Variants in RIMS1 observed in about 807,000 individuals in gnomAD.
RIMS1 encodes the protein regulating synaptic membrane exocytosis 1.
Under a neutral mutation model 214.1 loss-of-function variants are expected in RIMS1, and 83 were observed. The ratio of observed to expected loss-of-function variants is 0.39; its 90% CI spans 0.32 to 0.47. The LOEUF is 0.47. RIMS1 is among the 20% of genes least tolerant of loss of function. The probability of loss-of-function intolerance (pLI) is 0.99; values close to 1 mark genes in which losing one functional copy is unlikely to be tolerated. For missense variants in RIMS1, 2,050 were observed against 2,161.8 expected (o/e 0.95, Z 1.03); for synonymous variants, 793 against 786.8 (o/e 1.01, Z -0.13).
rs544924681 is a variant in RIMS1, at chr6:72,100,862, C to T, written c.471+876C>T. ...TTAGCAAGTGTGACATTAAACTGAA[C>T]ATTAATCTGTGTTTCTAAATTTACG... On this transcript the variant is annotated intron_variant, in intron 4 of 33. Transcript: ENST00000521978. Among the ~76,000 whole-genome samples, 16 of 152,008 alleles carry T rather than the reference C, an allele frequency of 1.1e-4. No homozygotes were observed. The South Asian group carries it at 3.3e-3, about 32-fold the overall frequency.
At chr6:72,186,396 T>C (rs2049100605) in intron 6 of RIMS1, among the ~76,000 whole-genome samples, 1 of 152,198 alleles carries the variant, frequency 6.6e-6, no homozygotes, top group South Asian at 2.1e-4. Flanking sequence ...AACTTAAAAC[T>C]CCTCTTCTTC....
At chr6:71,989,417 A>G (rs891302264) in intron 2 of RIMS1, among the ~76,000 whole-genome samples, 2 of 152,168 alleles carry the variant, frequency 1.3e-5, no homozygotes, top group Admixed American at 6.5e-5. Context: ...TTTACAAAGC[A>G]CTTAATTTCA....
At chr6:71,898,981 C>T (rs939720982) in intron 1 of RIMS1, among the ~76,000 whole-genome samples, 1 of 152,012 alleles carries the variant, frequency 6.6e-6, no homozygotes, top group Non-Finnish European at 1.5e-5. Flanking sequence ...TTATAGAAAA[C>T]TCCATGAGAA....
At chr6:71,972,714 G>C (rs747048150) in intron 2 of RIMS1, among the ~76,000 whole-genome samples, 3 of 152,122 alleles carry the variant, frequency 2.0e-5, no homozygotes, top group Non-Finnish European at 2.9e-5. Context: ...ATAGAAAAAT[G>C]AGATATATAA....
chr6:72,350,280 G>A (rs1471990463), intron 29 of RIMS1, among the ~76,000 whole-genome samples: 1 of 152,098 alleles, frequency 6.6e-6, no homozygotes, highest in Non-Finnish European at 1.5e-5. Flanking sequence ...TTTTTCCAGA[G>A]CTGCTTGAAT....
At chr6:72,130,437 T>C (rs1165773155) in intron 4 of RIMS1, among the ~76,000 whole-genome samples, 1 of 152,130 alleles carries the variant, frequency 6.6e-6, no homozygotes, top group Non-Finnish European at 1.5e-5. Context: ...TAAGCGTAAA[T>C]TGTGTATATT....
intron 28 of RIMS1, among the ~76,000 whole-genome samples, chr6:72,320,660 T>G (rs573493191): frequency 6.6e-6 from 1 of 152,128 alleles, no homozygotes; most frequent in South Asian, 2.1e-4. Context: ...ATATTGGTCT[T>G]AGTTGGTCTG....
intron 1 of RIMS1, among the ~76,000 whole-genome samples, chr6:71,898,540 G>A (rs72932121): frequency 0.021 from 3,131 of 152,190 alleles, 38 homozygotes; most frequent in Non-Finnish European, 0.024. Flanking sequence ...TCAGAATTAG[G>A]CTGAGTTGAG....
At chr6:72,100,362 A>C (rs1218965444) in intron 4 of RIMS1, among the ~76,000 whole-genome samples, 1 of 152,064 alleles carries the variant, frequency 6.6e-6, no homozygotes, top group African/African-American at 2.4e-5. Context: ...TTATTGCAGA[A>C]GGAATGGAAA....
At chr6:72,111,470 A>G (rs771751803) in intron 4 of RIMS1, among the ~76,000 whole-genome samples, 10 of 152,084 alleles carry the variant, frequency 6.6e-5, no homozygotes, top group Non-Finnish European at 1.5e-4. Flanking sequence ...TATGAATTGC[A>G]GTTTTCTTTT....
At chr6:72,237,339 T>C (rs1004525894) in intron 8 of RIMS1, among the ~76,000 whole-genome samples, 1 of 152,016 alleles carries the variant, frequency 6.6e-6, no homozygotes. Context: ...ATCTCAAATA[T>C]GAGATGTTTT....
chr6:72,289,312 C>A (rs1359110563), intron 24 of RIMS1, among the ~76,000 whole-genome samples: 1 of 152,116 alleles, frequency 6.6e-6, no homozygotes, highest in Admixed American at 6.5e-5. Flanking sequence ...ATAAAACTCT[C>A]ATCACTGGAA....
At chr6:72,238,000 T>G in intron 9 of RIMS1, 78 bp downstream of exon 9, 1 of 866,294 alleles carries the variant, frequency 1.2e-6, no homozygotes, top group Non-Finnish European at 1.8e-6. Context: ...AATTTGGGGT[T>G]AGTTTTATAT....
At chr6:72,345,302 T>C (rs564067920) in intron 29 of RIMS1, among the ~76,000 whole-genome samples, 1,744 of 151,930 alleles carry the variant, frequency 0.011, 32 homozygotes, top group African/African-American at 0.039. Context: ...GTGAAAATGA[T>C]AGTTTATTAT....
chr6:72,058,007 T>G (rs547007610), intron 2 of RIMS1, among the ~76,000 whole-genome samples: 1 of 152,340 alleles, frequency 6.6e-6, no homozygotes, highest in East Asian at 1.9e-4. Flanking sequence ...CATAGTTGCT[T>G]AGAAATCAGT....
intron 2 of RIMS1, among the ~76,000 whole-genome samples, chr6:71,983,732 A>T (rs896079189): frequency 1.3e-5 from 2 of 152,186 alleles, no homozygotes; most frequent in Non-Finnish European, 2.9e-5. Context: ...TTCTGCACAG[A>T]TTTTATGTCT....
intron 24 of RIMS1, among the ~76,000 whole-genome samples, chr6:72,287,678 C>T (rs1205925127): frequency 6.6e-6 from 1 of 151,866 alleles, no homozygotes; most frequent in African/African-American, 2.4e-5. Flanking sequence ...TCACTGCAGC[C>T]TCTGCCTCCT....
intron 2 of RIMS1, among the ~76,000 whole-genome samples, chr6:72,022,938 G>C (rs1303838758): frequency 1.3e-5 from 2 of 152,086 alleles, no homozygotes; most frequent in African/African-American, 4.8e-5. Flanking sequence ...ATTTTTATAA[G>C]TGACATTAAA....
At chr6:71,969,346 GT>G in intron 2 of RIMS1, among the ~76,000 whole-genome samples, 1 of 152,254 alleles carries the variant, frequency 6.6e-6, no homozygotes, top group Admixed American at 6.5e-5. Flanking sequence ...TTGTTTGATT[GT>G]TTTAGATTTG....
Sources: allele counts gnomAD v4.1 joint callset (sites outside exome capture counted in the v4.1 genomes callset), GRCh38; gene constraint gnomAD v4.1.1; transcripts MANE v1.5; gene names NCBI Gene and HGNC (gene_info 2026-07-23, HGNC 2026-07-21).